The following SH3KBP1 variants were observed in gnomAD, a reference collection of about 807,000 sequenced individuals.
SH3KBP1 encodes the protein SH3 domain containing kinase binding protein 1, also known as SH3 domain-containing kinase-binding protein 1.
Under a neutral mutation model 50.1 loss-of-function variants are expected in SH3KBP1, and 8 were observed. The ratio of observed to expected loss-of-function variants is 0.16; its 90% confidence interval spans 0.09 to 0.29. The LOEUF (loss-of-function observed/expected upper bound fraction) is 0.29, where lower values mean the gene tolerates loss of function less well. Among genes scored for constraint, SH3KBP1 ranks in the 10% least tolerant of loss-of-function variants. SH3KBP1 has a pLI of 1.00. For missense variants in SH3KBP1, 377 were observed against 535.2 expected (o/e 0.70, Z 2.92); for synonymous variants, 227 against 218.6 (o/e 1.04, Z -0.34).
At chrX:19,662,294 T>C (rs1345979958) in intron 6 of SH3KBP1, among the ~76,000 whole-genome samples, 2 of 112,298 alleles carry the variant, frequency 1.8e-5, no homozygotes, top group African/African-American at 3.2e-5. Flanking sequence ...TATTGAGACA[T>C]TGTATCAAAG....
At chrX:19,721,674 TA>T (rs1569441523) in intron 3 of SH3KBP1, among the ~76,000 whole-genome samples, 1 of 111,101 alleles carries the variant, frequency 9.0e-6, no homozygotes, top group Non-Finnish European at 1.9e-5. Flanking sequence ...ATTTTTTAAA[TA>T]AAAAGAACCC....
At chrX:19,579,454 C>T (rs1010375319) in intron 12 of SH3KBP1, among the ~76,000 whole-genome samples, 6 of 112,145 alleles carry the variant, frequency 5.4e-5, no homozygotes, top group Admixed American at 1.9e-4. Context: ...GAAAAGTTTG[C>T]AGGGTGCCGT....
Position 19,787,604 on chromosome X carries a change from C to A in SH3KBP1, c.163-41163G>T, listed in dbSNP as rs763098371. The stretch of plus-strand genomic sequence containing the variant: ...TGCCCGACATCTCAATTCACAGGCA[C>A]AAAATGATATTTAAATAGCATCTGT... On this transcript the variant is annotated intron_variant, in intron 2 of 17. Coordinates refer to ENST00000397821, the MANE Select transcript of SH3KBP1 (RefSeq NM_031892.3). Among the ~76,000 whole-genome samples the A allele has an allele frequency of 2.7e-5, 3 of 111,724 alleles. No homozygotes were observed. In the East Asian group the frequency reaches 8.4e-4, roughly 31 times the overall value.
chrX:19,859,538 A>G (rs2068733465), intron 1 of SH3KBP1, among the ~76,000 whole-genome samples: 4 of 112,005 alleles, frequency 3.6e-5, no homozygotes, highest in African/African-American at 1.3e-4. Flanking sequence ...AGTCCCCCAA[A>G]TTTGAAAAAC....
chrX:19,809,643 A>C (rs189284194), intron 2 of SH3KBP1, among the ~76,000 whole-genome samples: 7 of 112,939 alleles, frequency 6.2e-5, no homozygotes, highest in Admixed American at 2.8e-4. Flanking sequence ...AAATCAAAGT[A>C]TATGAAAATT....
intron 9 of SH3KBP1, among the ~76,000 whole-genome samples, chrX:19,607,639 C>A (rs1781742674): frequency 8.9e-6 from 1 of 111,873 alleles, no homozygotes; most frequent in African/African-American, 3.3e-5. Flanking sequence ...CCAAAAAGAG[C>A]ACCCAAGGTT....
intron 2 of SH3KBP1, among the ~76,000 whole-genome samples, chrX:19,795,185 C>T (rs2066671935): frequency 1.8e-5 from 2 of 111,499 alleles, no homozygotes; most frequent in South Asian, 7.5e-4. Context: ...AGAACCCATA[C>T]ATTATGAAAG....
intron 13 of SH3KBP1, among the ~76,000 whole-genome samples, chrX:19,559,274 CA>C (rs369794445): frequency 3.7e-3 from 32 of 8,611 alleles, no homozygotes; most frequent in East Asian, 0.032. Context: ...TCTGTCTCAC[CA>C]AAAAAAAAAA....
intron 2 of SH3KBP1, among the ~76,000 whole-genome samples, chrX:19,793,313 A>AAAAAATAT (rs1418807395): frequency 3.4e-4 from 33 of 96,970 alleles, no homozygotes; most frequent in African/African-American, 1.3e-3. Flanking sequence ...AGGAAAAAAA[A>AAAAAATAT]ATATATATAT....
At chrX:19,572,281 T>G (rs904086458) in intron 12 of SH3KBP1, among the ~76,000 whole-genome samples, 3 of 106,796 alleles carry the variant, frequency 2.8e-5, no homozygotes, top group African/African-American at 6.7e-5. Flanking sequence ...GTATATGTTA[T>G]ATATAGTCAT....
rs141304958 is a variant in SH3KBP1, at chrX:19,602,515, C to A, written c.1005+5423G>T. Among the ~76,000 whole-genome samples the A allele has an allele frequency of 9.8e-5, 11 of 112,248 alleles. No homozygotes were observed. In the East Asian group the frequency reaches 3.1e-3, roughly 31 times the overall value. On this transcript the variant is annotated intron_variant, in intron 9 of 17. Transcript: ENST00000397821. ...ATTAACTCCTTGACAAACCCCATTT[C>A]TTTGCATGTGAAACCACCCATGAAA... is the stretch of plus-strand genomic sequence containing the variant.
At chrX:19,843,425 G>A (rs1046290436) in intron 1 of SH3KBP1, among the ~76,000 whole-genome samples, 6 of 110,946 alleles carry the variant, frequency 5.4e-5, no homozygotes, top group Non-Finnish European at 9.4e-5. Context: ...TGAAGGGTTT[G>A]GGGGTCTGAA....
At chrX:19,864,538 T>C (rs2068856855) in intron 1 of SH3KBP1, among the ~76,000 whole-genome samples, 1 of 111,773 alleles carries the variant, frequency 8.9e-6, no homozygotes, top group South Asian at 3.7e-4. Flanking sequence ...GGGTCACTGT[T>C]GGTGGCTTTG....
intron 2 of SH3KBP1, among the ~76,000 whole-genome samples, chrX:19,825,869 A>G (rs1236916478): frequency 9.0e-6 from 1 of 111,433 alleles, no homozygotes; most frequent in Non-Finnish European, 1.9e-5. Context: ...GTGAGACTCA[A>G]TCTCAAAAAA....
chrX:19,805,002 G>A, intron 2 of SH3KBP1, among the ~76,000 whole-genome samples: 1 of 106,708 alleles, frequency 9.4e-6, no homozygotes, highest in African/African-American at 3.5e-5. Flanking sequence ...GAATCTTCTA[G>A]GGTTTTTGTT....
chrX:19,572,141 T>G (rs57014553), intron 12 of SH3KBP1, among the ~76,000 whole-genome samples: 1,381 of 109,179 alleles, frequency 0.013, 22 homozygotes, highest in African/African-American at 0.043. Context: ...TTTACTGCTC[T>G]TATTTTCCTT....
chrX:19,763,263 T>A (rs1036351553), intron 2 of SH3KBP1, among the ~76,000 whole-genome samples: 1 of 112,181 alleles, frequency 8.9e-6, no homozygotes, highest in East Asian at 2.8e-4. Flanking sequence ...CTCCAAAAAA[T>A]TTATCAATTA....
At chrX:19,554,280 A>C (rs2065401514) in intron 13 of SH3KBP1, among the ~76,000 whole-genome samples, 1 of 86,813 alleles carries the variant, frequency 1.2e-5, no homozygotes, top group Non-Finnish European at 2.1e-5. Context: ...AATATATATC[A>C]TATTAAAATA....
intron 6 of SH3KBP1, among the ~76,000 whole-genome samples, chrX:19,662,819 C>CTT (rs754310237): frequency 6.5e-5 from 6 of 91,653 alleles, no homozygotes; most frequent in Non-Finnish European, 1.1e-4. Flanking sequence ...CCAGGACTGA[C>CTT]TTTTTTTTTT....
Sources: gnomAD v4.1 joint callset for allele counts (sites outside exome capture counted in the v4.1 genomes callset) on GRCh38, gnomAD v4.1.1 for gene constraint, MANE v1.5 for transcripts, NCBI Gene and HGNC (gene_info 2026-07-23, HGNC 2026-07-21) for gene names.